The following ASTN2 variants were observed in gnomAD, a reference collection of about 807,000 sequenced individuals.
ASTN2 encodes astrotactin-2.
ASTN2 carries 54 observed loss-of-function variants against 139.8 expected under a neutral mutation model. The ratio of observed to expected loss-of-function variants is 0.39; its 90% confidence interval spans 0.31 to 0.48. ASTN2 has a LOEUF of 0.48. Among genes scored for constraint, ASTN2 ranks in the 20% least tolerant of loss-of-function variants. ASTN2 has a pLI of 0.95. For missense variants in ASTN2, 1,565 were observed against 1,725.1 expected (o/e 0.91, Z 1.64); for synonymous variants, 756 against 719.5 (o/e 1.05, Z -0.81).
At chr9:116,703,720 G>C (rs1827913380) in intron 16 of ASTN2, among the ~76,000 whole-genome samples, 2 of 83,082 alleles carry the variant, frequency 2.4e-5, no homozygotes, top group African/African-American at 6.7e-5. Flanking sequence ...AAAACTTAAA[G>C]TATAATAATA....
intron 13 of ASTN2, among the ~76,000 whole-genome samples, chr9:116,751,539 T>C (rs1829402820): frequency 6.6e-6 from 1 of 151,824 alleles, no homozygotes; most frequent in Non-Finnish European, 1.5e-5. Context: ...AAATGTTAAC[T>C]ATTATTATTG....
intron 6 of ASTN2, among the ~76,000 whole-genome samples, chr9:117,029,555 T>A (rs1273059649): frequency 6.6e-6 from 1 of 152,070 alleles, no homozygotes; most frequent in Non-Finnish European, 1.5e-5. Context: ...TTTATTGACT[T>A]GGCATGTCCC....
At chr9:116,441,558 T>A (rs750247345) in intron 21 of ASTN2, among the ~76,000 whole-genome samples, 11 of 152,128 alleles carry the variant, frequency 7.2e-5, no homozygotes, top group African/African-American at 1.2e-4. Context: ...ATAATATTTT[T>A]AAAAATTTAT....
chr9:116,525,536 T>C (rs1261177383), intron 19 of ASTN2, among the ~76,000 whole-genome samples: 1 of 152,190 alleles, frequency 6.6e-6, no homozygotes, highest in Non-Finnish European at 1.5e-5. Context: ...GTCATATATA[T>C]AATCAAGCAT....
intron 1 of ASTN2, among the ~76,000 whole-genome samples, chr9:117,313,588 T>C (rs1386389188): frequency 6.6e-6 from 1 of 152,090 alleles, no homozygotes; most frequent in East Asian, 1.9e-4. Context: ...CCAAGTGAAG[T>C]GGGGAAAAGC....
At chr9:116,969,271 T>C (rs956004168) in intron 10 of ASTN2, among the ~76,000 whole-genome samples, 7 of 152,220 alleles carry the variant, frequency 4.6e-5, no homozygotes, top group African/African-American at 1.7e-4. Flanking sequence ...CTGGTTCTAT[T>C]ACTTACTGGC....
chr9:116,659,941 C>T (rs925882400), intron 16 of ASTN2, among the ~76,000 whole-genome samples: 1 of 152,126 alleles, frequency 6.6e-6, no homozygotes, highest in African/African-American at 2.4e-5. Context: ...AGCATCAGAC[C>T]CAAGCCCAGA....
At chr9:116,437,846 T>C (rs918237482) in intron 22 of ASTN2, among the ~76,000 whole-genome samples, 4 of 152,184 alleles carry the variant, frequency 2.6e-5, no homozygotes, top group African/African-American at 9.7e-5. Flanking sequence ...CCAACATAAC[T>C]GATAAGGCCT....
In ASTN2 at chr9:116,976,096, A is replaced by G; in HGVS notation, c.1751+18T>C. The G allele has an allele frequency of 1.2e-6, 2 of 1,613,168 alleles. No individual in the cohort carries two copies. The highest frequency in any genetic ancestry group is 1.1e-5 in the South Asian group (1 of 91,034). The stretch of plus-strand genomic sequence containing the variant: ...CTCCATTTCCCAGAATTATGCCCCA[A>G]CAAGAAAGCCAACTCACCTGAGAAT... On this transcript the variant is annotated intron_variant, in intron 9 of 22. Transcript: ENST00000313400.
chr9:117,063,042 C>G (rs1376187327), intron 5 of ASTN2, among the ~76,000 whole-genome samples: 1 of 152,202 alleles, frequency 6.6e-6, no homozygotes, highest in African/African-American at 2.4e-5. Context: ...TATTCTCTTA[C>G]TTCAAGTGCA....
chr9:116,998,965 T>C (rs1333783640), intron 7 of ASTN2, among the ~76,000 whole-genome samples: 3 of 152,192 alleles, frequency 2.0e-5, no homozygotes, highest in Non-Finnish European at 4.4e-5. Context: ...AAACAATCTG[T>C]AAACATTAGA....
At chr9:117,077,432 T>C (rs887584039) in intron 5 of ASTN2, among the ~76,000 whole-genome samples, 4 of 152,134 alleles carry the variant, frequency 2.6e-5, no homozygotes, top group African/African-American at 4.8e-5. Flanking sequence ...AAGTAAGCTA[T>C]AAGGTAAGTA....
intron 5 of ASTN2, among the ~76,000 whole-genome samples, chr9:117,084,959 G>T (rs1828523837): frequency 6.6e-6 from 1 of 152,194 alleles, no homozygotes; most frequent in Non-Finnish European, 1.5e-5. Context: ...AGCCCTGACA[G>T]CTCTTCTTCC....
chr9:116,513,271 G>A (rs561971837), intron 19 of ASTN2, among the ~76,000 whole-genome samples: 5 of 152,170 alleles, frequency 3.3e-5, no homozygotes, highest in South Asian at 2.1e-4. Flanking sequence ...GCTTAGTTTC[G>A]CTGGATATGA....
intron 22 of ASTN2, among the ~76,000 whole-genome samples, chr9:116,438,683 G>A (rs1302465496): frequency 2.6e-5 from 4 of 152,296 alleles, no homozygotes; most frequent in East Asian, 1.9e-4. Flanking sequence ...GGTGGCTCAC[G>A]CCTGTAATCC....
chr9:116,963,939 C>T (rs1056675202), intron 10 of ASTN2, among the ~76,000 whole-genome samples: 9 of 152,102 alleles, frequency 5.9e-5, no homozygotes, highest in African/African-American at 2.2e-4. Context: ...ATGGAATTCC[C>T]TCTCCATGTT....
chr9:117,322,457 C>T (rs975003288), intron 1 of ASTN2, among the ~76,000 whole-genome samples: 9 of 152,184 alleles, frequency 5.9e-5, no homozygotes, highest in Admixed American at 2.0e-4. Flanking sequence ...TATTACTCCA[C>T]GTTTCTAGGG....
At chr9:116,455,158 G>A (rs750587578) in intron 20 of ASTN2, among the ~76,000 whole-genome samples, 3 of 152,048 alleles carry the variant, frequency 2.0e-5, no homozygotes, top group Non-Finnish European at 2.9e-5. Flanking sequence ...AGACCAGCCT[G>A]GCCAACATGG....
chr9:117,124,948 G>C (rs2132822611), intron 4 of ASTN2, among the ~76,000 whole-genome samples: 1 of 152,256 alleles, frequency 6.6e-6, no homozygotes, highest in Admixed American at 6.5e-5. Context: ...ACATTTCACA[G>C]GGTTCTTACA....
Sources: gnomAD v4.1 joint callset for allele counts (sites outside exome capture counted in the v4.1 genomes callset) on GRCh38, gnomAD v4.1.1 for gene constraint, MANE v1.5 for transcripts, NCBI Gene and HGNC (gene_info 2026-07-23, HGNC 2026-07-21) for gene names.